Variants in FNTB observed in about 807,000 individuals in gnomAD.
FNTB encodes farnesyltransferase, CAAX box, subunit beta, also known as protein farnesyltransferase subunit beta.
A neutral mutation model predicts 59.4 loss-of-function variants in FNTB; 27 were observed. The ratio of observed to expected loss-of-function variants is 0.45; its 90% CI spans 0.34 to 0.63. FNTB has a LOEUF of 0.63. FNTB is among the 20% of genes least tolerant of loss of function. The pLI, the probability that FNTB is intolerant of heterozygous loss-of-function variation, is 0.02. For missense variants in FNTB, 449 were observed against 559.6 expected, an observed-to-expected ratio of 0.80 and a Z score of 1.99; for synonymous variants, 230 against 220.7, an observed-to-expected ratio of 1.04 and a Z score of -0.37.
At chr14:65,020,814 C>T (rs926813623) in intron 4 of FNTB, among the ~76,000 whole-genome samples, 1 of 148,676 alleles carries the variant, frequency 6.7e-6, no homozygotes, top group Non-Finnish European at 1.5e-5. Flanking sequence ...TCACTGCAAC[C>T]TCCACCTCCC....
At chr14:65,034,017 A>G (rs8006419) in intron 7 of FNTB, among the ~76,000 whole-genome samples, 91,791 of 152,092 alleles carry the variant, frequency 0.6, 29,200 homozygotes, top group African/African-American at 0.81. Flanking sequence ...TGCTGAGATC[A>G]TGTTTACTTT....
intron 4 of FNTB, among the ~76,000 whole-genome samples, chr14:65,017,869 C>T (rs950218194): frequency 6.6e-6 from 1 of 151,972 alleles, no homozygotes; most frequent in African/African-American, 2.4e-5. Context: ...GCAGGAGAAT[C>T]GCTTGAACCT....
intron 2 of FNTB, among the ~76,000 whole-genome samples, chr14:65,005,495 T>TTC (rs1029926949): frequency 1.5e-5 from 2 of 136,638 alleles, no homozygotes; most frequent in African/African-American, 6.1e-5. Flanking sequence ...CTTTCTTTCT[T>TTC]TCTTTCTTTC....
Position 65,061,300 on chromosome 14 carries a change from T to C in FNTB, c.1302T>C (p.Pro434=). 1.2e-6 allele frequency: 2 copies of C among 1,613,894 alleles called. No individual in the cohort carries two copies. The highest frequency in any genetic ancestry group is 1.7e-6 in the Non-Finnish European group (2 of 1,180,010). The change falls in exon 12 of 12, where the codon CCT becomes CCC. Residue 434 remains proline, a synonymous_variant. Transcript: ENST00000246166. ...EELKDETSAE[P]ATD ...TTAAGGATGAGACATCGGCAGAGCC[T>C]GCAACCGACTAGAGGACCTGGGTCC...
chr14:64,987,146 C>A (rs754719425), intron 1 of FNTB, 49 bp downstream of exon 1: 2 of 1,605,658 alleles, frequency 1.2e-6, no homozygotes, highest in Non-Finnish European at 1.7e-6. Flanking sequence ...GTTCTGGGAG[C>A]GCGAGTCCCG....
chr14:65,052,242 T>G (rs1335124245), intron 9 of FNTB, among the ~76,000 whole-genome samples: 3 of 152,194 alleles, frequency 2.0e-5, no homozygotes, highest in Non-Finnish European at 2.9e-5. Flanking sequence ...AATAGAAAAT[T>G]TATGCCTATA....
chr14:65,006,243 A>T (rs143291877), intron 2 of FNTB: 14 of 1,611,840 alleles, frequency 8.7e-6, no homozygotes, highest in Non-Finnish European at 1.2e-5. Context: ...GCAAGTGTTC[A>T]TAAGGAAAGA....
intron 2 of FNTB, among the ~76,000 whole-genome samples, chr14:65,006,537 C>T (rs1037720342): frequency 1.3e-5 from 2 of 152,140 alleles, no homozygotes; most frequent in African/African-American, 4.8e-5. Context: ...GCTTAGCCTC[C>T]CCAGAGGGGA....
chr14:65,000,512 T>C (rs937342770), intron 1 of FNTB, among the ~76,000 whole-genome samples: 6 of 151,990 alleles, frequency 3.9e-5, no homozygotes, highest in African/African-American at 1.4e-4. Context: ...ACAAGTAGGT[T>C]TTTAAAGGAC....
intron 8 of FNTB, among the ~76,000 whole-genome samples, chr14:65,043,972 G>GTTTA (rs1171474313): frequency 6.6e-5 from 10 of 151,288 alleles, no homozygotes; most frequent in Admixed American, 5.9e-4. Context: ...CTTAAGCCAT[G>GTTTA]TTTATTAAGA....
intron 1 of FNTB, among the ~76,000 whole-genome samples, chr14:65,002,483 C>T (rs113356602): frequency 0.087 from 13,297 of 152,162 alleles, 718 homozygotes; most frequent in Admixed American, 0.14. Context: ...GTGGTGGGCA[C>T]CTGTAATCCT....
chr14:65,036,315 C>T (rs1188931855), intron 7 of FNTB, among the ~76,000 whole-genome samples: 8 of 152,238 alleles, frequency 5.3e-5, no homozygotes, highest in African/African-American at 1.7e-4. Flanking sequence ...TGGCTCACTG[C>T]AGCCTTGACC....
intron 9 of FNTB, among the ~76,000 whole-genome samples, chr14:65,051,076 GCAGCCAGC>G (rs2062596975): frequency 6.6e-6 from 1 of 152,232 alleles, no homozygotes; most frequent in South Asian, 2.1e-4. Context: ...CATGTGGCCT[GCAGCCAGC>G]CTGAGATGGG....
chr14:64,995,860 A>G (rs1385106526), intron 1 of FNTB, among the ~76,000 whole-genome samples: 2 of 151,492 alleles, frequency 1.3e-5, no homozygotes, highest in East Asian at 1.9e-4. Flanking sequence ...GCTGGGTGCA[A>G]TGGCTCATAT....
chr14:65,003,150 C>A (rs1422999984), intron 1 of FNTB, among the ~76,000 whole-genome samples: 2 of 152,164 alleles, frequency 1.3e-5, no homozygotes, highest in Non-Finnish European at 2.9e-5. Flanking sequence ...GATCTGATTT[C>A]TTTTGTGACC....
At chr14:65,039,293 G>C (rs2062288506) in intron 7 of FNTB, among the ~76,000 whole-genome samples, 1 of 152,184 alleles carries the variant, frequency 6.6e-6, no homozygotes. Context: ...AATACACAGA[G>C]GAATGGGGCT....
Position 65,044,692 on chromosome 14 carries a change from C to A in FNTB, c.955+249C>A. 1 of 537,066 alleles carries A rather than the reference C, an allele frequency of 1.9e-6. No homozygotes were observed. The allele number at this position is 537,066 out of a possible 1,614,324, so 33.3% of individuals were successfully genotyped here. A position where few individuals can be genotyped will look rare whatever the true frequency, so the allele number is the denominator to read the frequency against. ...AGAATGAGCTTCCTTGAAATTGCTA[C>A]GGGGAGCGGGGAGGAAGTGGGCGCT... On this transcript the variant is annotated intron_variant, in intron 9 of 11. Coordinates refer to ENST00000246166, the MANE Select transcript of FNTB (RefSeq NM_002028.4). The surrounding 1 kb of genome is among the most constrained non-coding windows in gnomAD (Gnocchi z 5.5).
intron 11 of FNTB, among the ~76,000 whole-genome samples, chr14:65,060,710 A>AAAAAATAC: frequency 1.1e-5 from 1 of 94,300 alleles, no homozygotes; most frequent in East Asian, 3.6e-4. Flanking sequence ...AAAAAAAAAA[A>AAAAAATAC]AAAAATACAA....
rs1288919681 is a variant in FNTB at position 65,014,884 on chromosome 14, T to C, written c.283-741T>C. On this transcript the variant is annotated intron_variant, in intron 3 of 11. Coordinates refer to ENST00000246166, the MANE Select transcript of FNTB (RefSeq NM_002028.4). This position sits in a 1 kb window ranked among gnomAD's most constrained non-coding sequence, Gnocchi z 5.1. ...TGTCTAATACAGTGCTTGGCACAAG[T>C]AGATACTATCAAATATTTGTTGAAT... Among the ~76,000 whole-genome samples, 3 of 152,156 alleles carry C rather than the reference T, an allele frequency of 2.0e-5. No individual in the cohort carries two copies. The highest frequency in any genetic ancestry group is 4.4e-5 in the Non-Finnish European group (3 of 68,014).
Sources: gnomAD v4.1 joint callset for allele counts (sites outside exome capture counted in the v4.1 genomes callset) on GRCh38, gnomAD v4.1.1 for gene constraint, Gnocchi (gnomAD v3.1) non-coding constraint, MANE v1.5 for transcripts, NCBI Gene and HGNC (gene_info 2026-07-23, HGNC 2026-07-21) for gene names.